The following MEF2C variants were observed in gnomAD, a reference collection of about 807,000 sequenced individuals.
MEF2C encodes the protein myocyte-specific enhancer factor 2C.
A neutral mutation model predicts 50.5 loss-of-function variants in MEF2C; 6 were observed. The observed-to-expected ratio is 0.12, with a 90% CI of 0.07 to 0.23. MEF2C has a LOEUF of 0.23. Among genes scored for constraint, MEF2C ranks in the 10% least tolerant of loss-of-function variants. MEF2C has a pLI of 1.00. For synonymous variants in MEF2C, 183 were observed against 228.0 expected (o/e 0.80, Z 1.78); for missense variants, 276 against 605.0 (o/e 0.46, Z 5.70).
At chr5:88,790,740 A>C (rs1793383250) in intron 3 of MEF2C, among the ~76,000 whole-genome samples, 1 of 152,224 alleles carries the variant, frequency 6.6e-6, no homozygotes, top group Non-Finnish European at 1.5e-5. Flanking sequence ...TGTATATTTA[A>C]AAATTTTATT....
At chr5:88,831,332 A>G (rs1812922517) in intron 1 of MEF2C, among the ~76,000 whole-genome samples, 1 of 151,928 alleles carries the variant, frequency 6.6e-6, no homozygotes, top group Non-Finnish European at 1.5e-5. Context: ...TCACCAGTAA[A>G]TAATCACAAT....
intron 4 of MEF2C, among the ~76,000 whole-genome samples, chr5:88,759,891 C>T (rs561251165): frequency 6.6e-6 from 1 of 152,364 alleles, no homozygotes; most frequent in East Asian, 1.9e-4. Flanking sequence ...TGTGCAGCTA[C>T]TATGGTAAAG....
chr5:88,742,927 G>T lies in MEF2C; in HGVS notation c.637+6143C>A, dbSNP rs1011237212. 4.1e-6 allele frequency: 4 copies of T among 978,194 alleles called. No homozygotes were observed. The African/African-American group carries it at 7.0e-5, about 17-fold the overall frequency. 60.6% of individuals were successfully genotyped at this position (978,194 alleles called of 1,614,324 possible). On this transcript the variant is annotated intron_variant, in intron 6 of 10. Transcript: ENST00000504921. ...TTTAATCTTGATAAACTTGGTTTGGGTTAAAAATATCATTGTTACTTAATT... is the reference window on the plus strand; with the variant it reads ...TTTAATCTTGATAAACTTGGTTTGGTTTAAAAATATCATTGTTACTTAATT...
At chr5:88,857,208 T>C (rs1344562756) in intron 1 of MEF2C, among the ~76,000 whole-genome samples, 1 of 152,216 alleles carries the variant, frequency 6.6e-6, no homozygotes, top group Non-Finnish European at 1.5e-5. Context: ...CCTACTGGAT[T>C]TTGGGCTTGC....
intron 1 of MEF2C, among the ~76,000 whole-genome samples, chr5:88,844,434 G>C (rs1462822683): frequency 6.6e-6 from 1 of 152,186 alleles, no homozygotes; most frequent in Non-Finnish European, 1.5e-5. Context: ...TCAGTTGACA[G>C]TGACATACAT....
intron 1 of MEF2C, among the ~76,000 whole-genome samples, chr5:88,867,425 A>G (rs965199823): frequency 6.6e-6 from 1 of 152,142 alleles, no homozygotes; most frequent in Non-Finnish European, 1.5e-5. Context: ...TGGACAAGTT[A>G]CTTTGTAAAT....
At chr5:88,869,508 G>T (rs779212036) in intron 1 of MEF2C, among the ~76,000 whole-genome samples, 2 of 151,090 alleles carry the variant, frequency 1.3e-5, no homozygotes, top group Non-Finnish European at 3.0e-5. Flanking sequence ...TCAATTCTGG[G>T]AGATATTTAA....
intron 1 of MEF2C, among the ~76,000 whole-genome samples, chr5:88,882,351 C>CTA (rs1833163883): frequency 6.6e-6 from 1 of 152,198 alleles, no homozygotes; most frequent in Admixed American, 6.5e-5. Context: ...GTGTAGACTA[C>CTA]TATGGCAGGG....
At chr5:88,785,699 A>T (rs1562020756) in intron 3 of MEF2C, among the ~76,000 whole-genome samples, 1 of 152,204 alleles carries the variant, frequency 6.6e-6, no homozygotes, top group Non-Finnish European at 1.5e-5. Context: ...ATTTTACAAT[A>T]CTTTCATTTA....
At chr5:88,888,071 G>A (rs1361017305), upstream of MEF2C, 1 of 152,156 alleles carries the variant, frequency 6.6e-6, no homozygotes, top group African/African-American at 2.4e-5. Context: ...TTACTGAAAG[G>A]GCTTATTTTA....
At position 88,720,525 on chromosome 5, in the gene MEF2C, T is replaced by G. The variant is rs1401142972; in HGVS notation, c.*2079A>C. 1 of 152,554 alleles carries G rather than the reference T, an allele frequency of 6.6e-6. No homozygotes were observed. Among genetic ancestry groups the G allele is most frequent in the African/African-American group, 2.4e-5 (1 of 41,438 alleles). 9.5% of individuals were successfully genotyped at this position (152,554 alleles called of 1,614,324 possible). On this transcript the variant is annotated 3_prime_UTR_variant, in exon 11 of 11. Transcript: ENST00000504921. Reference sequence around the variant, plus strand: ...TTTACAATGAGAAACACATAGCAACTATGCAAGTAAAAGAGAAAAAATGGA... The same window carrying G: ...TTTACAATGAGAAACACATAGCAACGATGCAAGTAAAAGAGAAAAAATGGA...
chr5:88,885,646 G>A (rs558656425), upstream of MEF2C, among the ~76,000 whole-genome samples: 63 of 152,072 alleles, frequency 4.1e-4, no homozygotes, highest in Admixed American at 6.6e-4. Context: ...AAGATATTTC[G>A]AATACTAAGA....
chr5:88,882,410 A>C (rs546853804), intron 1 of MEF2C, among the ~76,000 whole-genome samples: 72 of 152,312 alleles, frequency 4.7e-4, no homozygotes, highest in Non-Finnish European at 3.1e-4. Context: ...TCAAGCCGGC[A>C]CTTTGGTGAG....
chr5:88,738,002 G>A (rs1000315010), intron 6 of MEF2C: 5 of 985,194 alleles, frequency 5.1e-6, no homozygotes, highest in Non-Finnish European at 6.0e-6. Flanking sequence ...TAGTTAGAAC[G>A]CCTTGCTCTA....
intron 1 of MEF2C, among the ~76,000 whole-genome samples, chr5:88,859,054 A>G (rs1824542854): frequency 6.6e-6 from 1 of 152,226 alleles, no homozygotes; most frequent in South Asian, 2.1e-4. Flanking sequence ...ATTACTGGTT[A>G]TGGCAAACTT....
chr5:88,734,588 T>TTTTTTTTTG (rs1763286381), intron 6 of MEF2C: 2 of 973,994 alleles, frequency 2.1e-6, no homozygotes, highest in Non-Finnish European at 2.4e-6. Context: ...TTTTTTTTTT[T>TTTTTTTTTG]TTTTTTTTTT....
At chr5:88,854,556 T>C (rs1561350102) in intron 1 of MEF2C, among the ~76,000 whole-genome samples, 1 of 152,192 alleles carries the variant, frequency 6.6e-6, no homozygotes, top group African/African-American at 2.4e-5. Flanking sequence ...CTTCATCAAC[T>C]ACTTTTCCTA....
intron 6 of MEF2C, chr5:88,733,680 C>T: frequency 1.0e-6 from 1 of 985,308 alleles, no homozygotes; most frequent in Admixed American, 6.1e-5. Flanking sequence ...ATTTACCTGT[C>T]TCATTTTATG....
chr5:88,879,382 TTATA>T (rs3047819), intron 1 of MEF2C, among the ~76,000 whole-genome samples: 3 of 148,560 alleles, frequency 2.0e-5, no homozygotes, highest in Non-Finnish European at 3.0e-5. Context: ...AATATATATA[TTATA>T]TATATATATA....
Sources: allele counts gnomAD v4.1 joint callset (sites outside exome capture counted in the v4.1 genomes callset), GRCh38; gene constraint gnomAD v4.1.1; transcripts MANE v1.5; gene names NCBI Gene and HGNC (gene_info 2026-07-23, HGNC 2026-07-21).